Variants in PTPRG observed in about 807,000 individuals in gnomAD.
PTPRG encodes receptor-type tyrosine-protein phosphatase gamma.
A neutral mutation model predicts 165.3 loss-of-function variants in PTPRG; 102 were observed. That is an observed-to-expected ratio of 0.62 (90% CI 0.53 to 0.73). The LOEUF (loss-of-function observed/expected upper bound fraction) is 0.73. PTPRG is among the 30% of genes least tolerant of loss of function. The pLI, the probability that PTPRG is intolerant of heterozygous loss-of-function variation, is 0.00. For missense variants in PTPRG, 1,866 were observed against 1,861.4 expected (o/e 1.00, Z -0.05); for synonymous variants, 675 against 669.5 (o/e 1.01, Z -0.13).
intron 1 of PTPRG, among the ~76,000 whole-genome samples, chr3:61,600,192 A>ATGTGTGTGTGTGTGTGTGTG (rs1258297289): frequency 1.1e-4 from 12 of 106,636 alleles, no homozygotes; most frequent in East Asian, 8.6e-4. Context: ...ATATATATAT[A>ATGTGTGTGTGTGTGTGTGTG]TGTGTGTGTG....
intron 5 of PTPRG, among the ~76,000 whole-genome samples, chr3:62,085,734 GCAAA>G (rs1434938891): frequency 1.3e-5 from 2 of 152,040 alleles, no homozygotes; most frequent in Admixed American, 6.6e-5. Context: ...GATTTTCTAA[GCAAA>G]CAATGTAAGA....
chr3:61,818,537 G>C (rs978948955), intron 2 of PTPRG, among the ~76,000 whole-genome samples: 2 of 152,128 alleles, frequency 1.3e-5, no homozygotes, highest in Admixed American at 1.3e-4. Context: ...GGTGTCTCAT[G>C]CCTGTAATCC....
intron 1 of PTPRG, among the ~76,000 whole-genome samples, chr3:61,612,798 T>G (rs189733884): frequency 6.6e-6 from 1 of 151,970 alleles, no homozygotes; most frequent in Admixed American, 6.6e-5. Context: ...TTTGATGATA[T>G]CAGCTTCGGG....
At chr3:61,719,959 G>A (rs922093411) in intron 1 of PTPRG, among the ~76,000 whole-genome samples, 3 of 152,102 alleles carry the variant, frequency 2.0e-5, no homozygotes, top group Non-Finnish European at 4.4e-5. Flanking sequence ...TTTGCTGGCC[G>A]CTCTTGCTCA....
chr3:61,899,289 G>A (rs1192759582), intron 2 of PTPRG, among the ~76,000 whole-genome samples: 3 of 152,128 alleles, frequency 2.0e-5, no homozygotes, highest in Non-Finnish European at 2.9e-5. Flanking sequence ...TGGAATGGGT[G>A]AATAATTCTG....
At chr3:62,039,929 A>G (rs1700072076) in intron 4 of PTPRG, among the ~76,000 whole-genome samples, 1 of 152,238 alleles carries the variant, frequency 6.6e-6, no homozygotes. Flanking sequence ...AAATATTTTA[A>G]AAACTTATCC....
intron 14 of PTPRG, among the ~76,000 whole-genome samples, chr3:62,232,176 G>T (rs1384847849): frequency 6.6e-6 from 1 of 152,118 alleles, no homozygotes; most frequent in Non-Finnish European, 1.5e-5. Context: ...ATACTGAGAT[G>T]AAATTTTAGA....
chr3:62,090,246 T>A (rs1020796599), intron 5 of PTPRG, among the ~76,000 whole-genome samples: 15 of 152,178 alleles, frequency 9.9e-5, no homozygotes, highest in African/African-American at 3.6e-4. Flanking sequence ...CCTGGTAGCT[T>A]GGCATCCCTG....
chr3:62,033,142 C>CT (rs1173175940), intron 4 of PTPRG, among the ~76,000 whole-genome samples: 1 of 152,134 alleles, frequency 6.6e-6, no homozygotes, highest in Non-Finnish European at 1.5e-5. Context: ...CCCCTTTTCT[C>CT]TCTGCTCCAG....
intron 6 of PTPRG, among the ~76,000 whole-genome samples, chr3:62,150,188 G>C (rs1286942181): frequency 2.6e-5 from 4 of 152,222 alleles, no homozygotes; most frequent in Non-Finnish European, 5.9e-5. Context: ...TGGTCCCAAA[G>C]CAGCCGTGAA....
chr3:61,643,896 A>G (rs77974852), intron 1 of PTPRG, among the ~76,000 whole-genome samples: 1,581 of 152,314 alleles, frequency 0.01, 21 homozygotes, highest in African/African-American at 0.036. Flanking sequence ...ATGAACTAGG[A>G]TACCCTTTTC....
At chr3:61,805,898 G>A (rs2035399719) in intron 2 of PTPRG, among the ~76,000 whole-genome samples, 1 of 152,144 alleles carries the variant, frequency 6.6e-6, no homozygotes, top group African/African-American at 2.4e-5. Context: ...CTTGGAGTTT[G>A]CAAAATATGA....
intron 4 of PTPRG, among the ~76,000 whole-genome samples, chr3:62,053,815 T>A (rs1700543261): frequency 6.6e-6 from 1 of 152,128 alleles, no homozygotes; most frequent in Non-Finnish European, 1.5e-5. Context: ...GCATTTAGAG[T>A]TACGAGGCTC....
intron 2 of PTPRG, among the ~76,000 whole-genome samples, chr3:61,852,599 A>T (rs780060539): frequency 1.3e-5 from 2 of 152,220 alleles, no homozygotes; most frequent in Non-Finnish European, 2.9e-5. Context: ...CGAACATGGA[A>T]GCTGAGTCCC....
intron 1 of PTPRG, among the ~76,000 whole-genome samples, chr3:61,647,691 C>G (rs560004999): frequency 4.9e-5 from 7 of 143,798 alleles, no homozygotes; most frequent in Non-Finnish European, 7.5e-5. Flanking sequence ...ACTTGGGAGG[C>G]TGAGGCAGAA....
At chr3:61,944,842 C>T (rs928568374) in intron 2 of PTPRG, among the ~76,000 whole-genome samples, 1 of 152,098 alleles carries the variant, frequency 6.6e-6, no homozygotes, top group African/African-American at 2.4e-5. Context: ...TCTTTTGGGA[C>T]CCCAACAGGA....
intron 2 of PTPRG, among the ~76,000 whole-genome samples, chr3:61,798,895 G>A (rs939652167): frequency 6.6e-6 from 1 of 152,116 alleles, no homozygotes; most frequent in Non-Finnish European, 1.5e-5. Flanking sequence ...TGTTGATGGG[G>A]TAGAGCTGTG....
intron 3 of PTPRG, among the ~76,000 whole-genome samples, chr3:61,995,768 C>CTTCTTT (rs1304323496): frequency 1.5e-5 from 2 of 135,748 alleles, no homozygotes; most frequent in African/African-American, 5.4e-5. Flanking sequence ...TCCCTCCCTC[C>CTTCTTT]TTCTTTTTCT....
Position 61,796,178 on chromosome 3 carries a change from A to G in PTPRG, c.190+47196A>G, listed in dbSNP as rs189314181. Among the ~76,000 whole-genome samples, 3 of 152,336 alleles carry G rather than the reference A, an allele frequency of 2.0e-5. No homozygotes were observed. The East Asian group carries it at 5.8e-4, about 29-fold the overall frequency. On this transcript the variant is annotated intron_variant, in intron 2 of 29. Coordinates refer to ENST00000474889, the MANE Select transcript of PTPRG (RefSeq NM_002841.4). ...AGGGAGCTTTTCCCAAATGTTATCT[A>G]TTGAGCAAGATTAAAGAGACAGATC...
Sources: allele counts gnomAD v4.1 joint callset (sites outside exome capture counted in the v4.1 genomes callset), GRCh38; gene constraint gnomAD v4.1.1; transcripts MANE v1.5; gene names NCBI Gene and HGNC (gene_info 2026-07-23, HGNC 2026-07-21).